Variants in PHF20L1 observed in about 807,000 individuals in gnomAD.
PHF20L1 encodes PHD finger protein 20 like 1.
Under a neutral mutation model 125.5 loss-of-function variants are expected in PHF20L1, and 44 were observed. The ratio of observed to expected loss-of-function variants is 0.35; its 90% CI spans 0.28 to 0.45. The LOEUF (loss-of-function observed/expected upper bound fraction) is 0.45. Among genes scored for constraint, PHF20L1 ranks in the 20% least tolerant of loss-of-function variants. The probability of loss-of-function intolerance (pLI) is 1.00; values close to 1 mark genes in which losing one functional copy is unlikely to be tolerated. For missense variants in PHF20L1, 1,012 were observed against 1,217.2 expected, an observed-to-expected ratio of 0.83 and a Z score of 2.51; for synonymous variants, 380 against 403.1, an observed-to-expected ratio of 0.94 and a Z score of 0.69.
intron 8 of PHF20L1, chr8:132,808,821 T>A (rs1290935856): frequency 2.0e-5 from 3 of 151,108 alleles, no homozygotes; most frequent in African/African-American, 7.3e-5. Flanking sequence ...TTTTGCTTTT[T>A]TTTTTTTTTT....
At chr8:132,804,186 A>G (rs1165771671) in intron 7 of PHF20L1, among the ~76,000 whole-genome samples, 154 bp downstream of exon 7, 3 of 151,950 alleles carry the variant, frequency 2.0e-5, no homozygotes, top group Admixed American at 6.6e-5. Flanking sequence ...TTAGCATCTT[A>G]CAGTTAGACC....
chr8:132,803,658 C>G, intron 6 of PHF20L1, 161 bp from the exon 7 acceptor site: 1 of 556,872 alleles, frequency 1.8e-6, no homozygotes, highest in South Asian at 2.5e-5. Flanking sequence ...ATTTGATAAC[C>G]TACCATGTTC....
At position 132,833,172 on chromosome 8, in the gene PHF20L1, A is replaced by G. The variant is rs567529916; in HGVS notation, c.1909+773A>G. On this transcript the variant is annotated intron_variant, in intron 15 of 20. Transcript: ENST00000395386. The stretch of plus-strand genomic sequence containing the variant: ...GTGAGGAATAAGGGACGGGGCCTTC[A>G]GCATAAGTACAACCTAGGATCCTTG... 5.7e-4 allele frequency among the ~76,000 whole-genome samples: 87 copies of G among 152,186 alleles called. 1 individual carries two copies. The South Asian group carries it at 0.018, about 31-fold the overall frequency.
At chr8:132,827,122 G>A (rs949281218) in intron 14 of PHF20L1, among the ~76,000 whole-genome samples, 2 of 151,954 alleles carry the variant, frequency 1.3e-5, no homozygotes, top group African/African-American at 4.8e-5. Context: ...GGGCACTTCT[G>A]TGTGTGCCTT....
chr8:132,808,657 A>G (rs970653778), intron 8 of PHF20L1: 41 of 152,194 alleles, frequency 2.7e-4, no homozygotes, highest in African/African-American at 9.9e-4. Flanking sequence ...AACCTAATGA[A>G]TGTAGCTTTA....
At chr8:132,819,081 A>G (rs1011339124) in intron 12 of PHF20L1, 1 of 151,860 alleles carries the variant, frequency 6.6e-6, no homozygotes, top group African/African-American at 2.4e-5. Flanking sequence ...CAGATTATTA[A>G]CTTCCTCTTT....
intron 14 of PHF20L1, among the ~76,000 whole-genome samples, chr8:132,829,868 T>A (rs1189793295): frequency 2.0e-5 from 3 of 152,038 alleles, no homozygotes; most frequent in Non-Finnish European, 4.4e-5. Context: ...CTTGTGAGGA[T>A]TAAAAGAGTT....
chr8:132,843,446 TG>T (rs536781876), intron 19 of PHF20L1: 286 of 978,842 alleles, frequency 2.9e-4, no homozygotes, highest in African/African-American at 1.7e-3. Flanking sequence ...TAAAATTAGA[TG>T]TTTTTTTTCT....
At chr8:132,815,156 A>G (rs1024422999) in intron 10 of PHF20L1, 4 of 267,534 alleles carry the variant, frequency 1.5e-5, no homozygotes, top group Admixed American at 5.2e-5. Flanking sequence ...TAATCCAAGC[A>G]TACTGAGAGG....
intron 2 of PHF20L1, among the ~76,000 whole-genome samples, chr8:132,783,504 T>C (rs1303958085): frequency 6.6e-6 from 1 of 152,156 alleles, no homozygotes; most frequent in Non-Finnish European, 1.5e-5. Flanking sequence ...TAATTAGATT[T>C]AACTATTCAA....
At position 132,825,283 on chromosome 8, in the gene PHF20L1, T is replaced by G. The variant is rs1310313551; in HGVS notation, c.1656T>G (p.Asp552Glu). Reference sequence around the variant, plus strand: ...TTTTAGGTAAGAGAAAAGAAAAAGATAAGGAAAGAAGAGAGAAGAGAGACA... The same window carrying G: ...TTTTAGGTAAGAGAAAAGAAAAAGAGAAGGAAAGAAGAGAGAAGAGAGACA... ...STAFGKRKEK[D>E]KERREKRDKD... Residue 552 changes from aspartate to glutamate, a missense_variant, in exon 14 of 21, where the codon GAT becomes GAG. Physicochemically the swap from Asp to Glu is conservative, Grantham distance 45. Transcript: ENST00000395386. The G allele has an allele frequency of 1.3e-6, 2 of 1,563,976 alleles. No individual in the cohort carries two copies. Among genetic ancestry groups the G allele is most frequent in the East Asian group, 4.5e-5 (2 of 44,266 alleles).
chr8:132,800,071 T>A (rs1224737332), intron 6 of PHF20L1: 1 of 150,530 alleles, frequency 6.6e-6, no homozygotes, highest in East Asian at 1.9e-4. Flanking sequence ...TTTAAAACAA[T>A]TATTTTGTTA....
Position 132,847,343 on chromosome 8 carries a change from A to G in PHF20L1, c.*1420A>G, listed in dbSNP as rs1838492500. ...TTTTGAAATTTTTTTAAAAGGGGAG[A>G]AAGACTGTTAAGAGGAGGCTATTTG... On this transcript the variant is annotated 3_prime_UTR_variant, in exon 21 of 21. Transcript: ENST00000395386. The G allele has an allele frequency of 6.6e-6, 1 of 152,554 alleles. No homozygotes were observed. The highest frequency in any genetic ancestry group is 1.9e-4 in the East Asian group (1 of 5,194). The allele number at this position is 152,554 out of a possible 1,614,324, so 9.5% of individuals were successfully genotyped here. A position where few individuals can be genotyped will look rare whatever the true frequency, so the allele number is the denominator to read the frequency against.
intron 8 of PHF20L1, chr8:132,807,653 T>C: frequency 4.5e-6 from 2 of 444,744 alleles, no homozygotes; most frequent in South Asian, 3.2e-5. Context: ...GTAACCACTT[T>C]GCTCTTTCTT....
chr8:132,783,742 A>T (rs571770299), intron 2 of PHF20L1, among the ~76,000 whole-genome samples: 1 of 152,278 alleles, frequency 6.6e-6, no homozygotes, highest in African/African-American at 2.4e-5. Context: ...ATTTTGAGTC[A>T]TTACCTTTGA....
chr8:132,791,350 T>G (rs2131415288), intron 2 of PHF20L1, among the ~76,000 whole-genome samples: 1 of 150,546 alleles, frequency 6.6e-6, no homozygotes, highest in Non-Finnish European at 1.5e-5. Flanking sequence ...GCCTCCCGGG[T>G]TCAAGCGATT....
chr8:132,797,998 G>C lies in PHF20L1; in HGVS notation c.341-774G>C, dbSNP rs569040850. On this transcript the variant is annotated intron_variant, in intron 4 of 20. Transcript: ENST00000395386. ...TACATAATTTATATATCTTCTAATA[G>C]TACTGGCTTATATTGACTTGAAAGC... Among the ~76,000 whole-genome samples, 8 of 152,162 alleles carry C rather than the reference G, an allele frequency of 5.3e-5. No individual in the cohort carries two copies. The South Asian group carries it at 1.7e-3, about 32-fold the overall frequency.
At chr8:132,809,393 C>G (rs1180328946) in intron 8 of PHF20L1, 1 of 152,226 alleles carries the variant, frequency 6.6e-6, no homozygotes, top group Non-Finnish European at 1.5e-5. Flanking sequence ...TCTCGAACTC[C>G]TGACCTCAGG....
Position 132,839,451 on chromosome 8 carries a change from G to A in PHF20L1, c.2256G>A (p.Gly752=). 6.2e-7 allele frequency: 1 copy of A among 1,613,050 alleles called. No homozygotes were observed. The highest frequency in any genetic ancestry group is 8.5e-7 in the Non-Finnish European group (1 of 1,179,214). The change falls in exon 18 of 21, where the codon GGG becomes GGA. Residue 752 remains glycine (G), a synonymous_variant. Coordinates refer to ENST00000395386, the MANE Select transcript of PHF20L1 (RefSeq NM_016018.5). ...KEWLNNGRMC[G]LSFFKENYSH... Reference sequence around the variant, plus strand: ...GGTTGAATAATGGGAGAATGTGCGGGTTATCATTTTTCAAAGAAAATTATT... The same window carrying A: ...GGTTGAATAATGGGAGAATGTGCGGATTATCATTTTTCAAAGAAAATTATT...
Sources: allele counts gnomAD v4.1 joint callset (sites outside exome capture counted in the v4.1 genomes callset), GRCh38; gene constraint gnomAD v4.1.1; transcripts MANE v1.5; gene names NCBI Gene and HGNC (gene_info 2026-07-23, HGNC 2026-07-21).